Variants in BNC2 observed in about 807,000 individuals in gnomAD.
The protein encoded by BNC2 is basonuclin zinc finger protein 2, also known as zinc finger protein basonuclin-2.
BNC2 carries 20 observed loss-of-function variants against 76.3 expected under a neutral mutation model. The ratio of observed to expected loss-of-function variants is 0.26; its 90% confidence interval spans 0.18 to 0.38. BNC2 has a LOEUF of 0.38. Ranked by LOEUF, BNC2 falls within the 10% of genes least tolerant of loss-of-function variation. The pLI, the probability that BNC2 is intolerant of heterozygous loss-of-function variation, is 1.00. For synonymous variants in BNC2, 582 were observed against 514.8 expected (o/e 1.13, Z -1.77); for missense variants, 1,382 against 1,399.8 (o/e 0.99, Z 0.20).
intron 3 of BNC2, among the ~76,000 whole-genome samples, chr9:16,667,038 T>G (rs1404423540): frequency 6.6e-6 from 1 of 151,786 alleles, no homozygotes. Context: ...ACTAAAAAGC[T>G]AAATACTAAT....
At chr9:16,727,146 G>C (rs1824357867) in intron 3 of BNC2, 1 of 153,528 alleles carries the variant, frequency 6.5e-6, no homozygotes, top group Admixed American at 6.5e-5. Flanking sequence ...CGGGAGAGCG[G>C]GCCGGAGCCG....
chr9:16,730,470 C>T (rs1200839376), intron 2 of BNC2, among the ~76,000 whole-genome samples: 3 of 152,196 alleles, frequency 2.0e-5, no homozygotes, highest in South Asian at 2.1e-4. Context: ...AACTGCACAG[C>T]TCCGTAACTA....
intron 5 of BNC2, among the ~76,000 whole-genome samples, chr9:16,546,554 T>G (rs1363535179): frequency 6.6e-6 from 1 of 152,110 alleles, no homozygotes; most frequent in Non-Finnish European, 1.5e-5. Flanking sequence ...AATAAAGCAT[T>G]AAGGATAAAT....
chr9:16,811,226 AG>A, intron 1 of BNC2, among the ~76,000 whole-genome samples: 1 of 121,728 alleles, frequency 8.2e-6, no homozygotes, highest in Non-Finnish European at 1.6e-5. Context: ...TCGTCTCAAA[AG>A]ACCAAAAAAA....
Position 16,560,436 on chromosome 9 carries a change from G to T in BNC2, c.434-7671C>A, listed in dbSNP as rs551601980. ...CATTTTATAAGAGGAAAATGGGTAG[G>T]TGTGGTGGTACATGCCTGAAATCTC... On this transcript the variant is annotated intron_variant, in intron 4 of 6. Transcript: ENST00000380672. Among the ~76,000 whole-genome samples the T allele has an allele frequency of 3.3e-5, 5 of 152,318 alleles. No individual in the cohort carries two copies. In the South Asian group the frequency reaches 6.2e-4, roughly 19 times the overall value.
intron 1 of BNC2, among the ~76,000 whole-genome samples, chr9:16,747,219 G>A (rs1038042457): frequency 6.6e-6 from 1 of 152,128 alleles, no homozygotes; most frequent in Non-Finnish European, 1.5e-5. Flanking sequence ...CCCGCTTCTA[G>A]AGATTTGAGA....
intron 6 of BNC2, among the ~76,000 whole-genome samples, chr9:16,421,092 C>CAAACGTGGGTGATATTTCCTAGAG (rs1354832275): frequency 1.3e-5 from 2 of 152,110 alleles, no homozygotes; most frequent in East Asian, 3.9e-4. Flanking sequence ...CATTTGGTGA[C>CAAACGTGGGTGATATTTCCTAGAG]AAACGTGGGT....
At chr9:16,420,106 C>T (rs1348394789) in intron 6 of BNC2, among the ~76,000 whole-genome samples, 2 of 152,116 alleles carry the variant, frequency 1.3e-5, no homozygotes, top group African/African-American at 4.8e-5. Flanking sequence ...CTTTTCTATA[C>T]AGCACACACT....
At chr9:16,822,801 T>G (rs4568695) in intron 1 of BNC2, among the ~76,000 whole-genome samples, 8 of 152,074 alleles carry the variant, frequency 5.3e-5, no homozygotes, top group Non-Finnish European at 1.0e-4. Flanking sequence ...TAGTCAACTA[T>G]GTGGAACACT....
intron 3 of BNC2, among the ~76,000 whole-genome samples, chr9:16,640,807 A>T (rs2133847660): frequency 6.6e-6 from 1 of 152,294 alleles, no homozygotes; most frequent in East Asian, 1.9e-4. Context: ...GCATCAGAAC[A>T]GCTGCAACCA....
intron 1 of BNC2, among the ~76,000 whole-genome samples, chr9:16,759,429 A>AT (rs971335927): frequency 1.3e-5 from 2 of 151,528 alleles, no homozygotes; most frequent in Non-Finnish European, 2.9e-5. Context: ...ATTTTCCTTA[A>AT]TTTTTTTTTA....
chr9:16,575,351 T>C (rs570611303), intron 4 of BNC2: 991 of 985,370 alleles, frequency 1.0e-3, no homozygotes, highest in Non-Finnish European at 1.2e-3. Context: ...CAGCAGTGAC[T>C]ACACTGGAGG....
At chr9:16,517,209 T>C (rs770827801) in intron 5 of BNC2, among the ~76,000 whole-genome samples, 14 of 152,156 alleles carry the variant, frequency 9.2e-5, no homozygotes, top group Non-Finnish European at 1.8e-4. Context: ...AAGTAGCCAG[T>C]TGGAGGAGGG....
chr9:16,530,855 C>T (rs550638058), intron 5 of BNC2, among the ~76,000 whole-genome samples: 1 of 152,284 alleles, frequency 6.6e-6, no homozygotes, highest in African/African-American at 2.4e-5. Flanking sequence ...AGAGCATGAG[C>T]TGGACAGGTG....
At chr9:16,733,798 C>T (rs779173842) in intron 2 of BNC2, among the ~76,000 whole-genome samples, 1 of 151,786 alleles carries the variant, frequency 6.6e-6, no homozygotes, top group Non-Finnish European at 1.5e-5. Flanking sequence ...GCAAAAGAAT[C>T]GCTTGAACTT....
intron 1 of BNC2, among the ~76,000 whole-genome samples, chr9:16,865,279 C>G (rs1002811878): frequency 6.6e-6 from 1 of 152,034 alleles, no homozygotes; most frequent in African/African-American, 2.4e-5. Flanking sequence ...GATACATACA[C>G]AGTGAGTCAT....
At chr9:16,548,141 C>A (rs1640722780) in intron 5 of BNC2, among the ~76,000 whole-genome samples, 1 of 152,154 alleles carries the variant, frequency 6.6e-6, no homozygotes, top group Admixed American at 6.5e-5. Context: ...GACCCACCTG[C>A]AAATGAGAAG....
intron 3 of BNC2, among the ~76,000 whole-genome samples, chr9:16,643,037 T>A (rs1821530808): frequency 6.6e-6 from 1 of 152,168 alleles, no homozygotes; most frequent in South Asian, 2.1e-4. Context: ...CAACAGTAAG[T>A]GCTCCCTAAA....
chr9:16,773,077 A>C (rs942579038), intron 1 of BNC2, among the ~76,000 whole-genome samples: 6 of 152,136 alleles, frequency 3.9e-5, no homozygotes, highest in African/African-American at 1.4e-4. Context: ...ATATCTTCCC[A>C]CTATTAGACA....
Sources: allele counts gnomAD v4.1 joint callset (sites outside exome capture counted in the v4.1 genomes callset), GRCh38; gene constraint gnomAD v4.1.1; transcripts MANE v1.5; gene names NCBI Gene and HGNC (gene_info 2026-07-23, HGNC 2026-07-21).